The following AHDC1 variants were observed in gnomAD, a reference collection of about 807,000 sequenced individuals.
AHDC1 encodes AT-hook DNA binding motif containing 1.
In AHDC1, 7 loss-of-function variants were observed where a neutral mutation model predicts 87.9. The observed-to-expected ratio is 0.08, with a 90% CI of 0.05 to 0.15. The LOEUF (loss-of-function observed/expected upper bound fraction) is 0.15, where lower values mean the gene tolerates loss of function less well. Among genes scored for constraint, AHDC1 ranks in the 10% least tolerant of loss-of-function variants. AHDC1 has a pLI of 1.00. For missense variants in AHDC1, 1,841 were observed against 2,253.2 expected (o/e 0.82, Z 3.70); for synonymous variants, 1,051 against 1,006.8 (o/e 1.04, Z -0.83).
rs780072836 is a variant in AHDC1 at position 27,551,348 on chromosome 1, G to A, written c.768C>T (p.Ala256=). 10 of 1,613,546 alleles carry A rather than the reference G, an allele frequency of 6.2e-6. No homozygotes were observed. The South Asian group carries it at 9.9e-5, about 16-fold the overall frequency. ...SELASLTCPE[A]QLLEAQALEP... Reference sequence around the variant, plus strand: ...CGAGGGCCTGGGCCTCTAGCAGCTGGGCCTCTGGGCAAGTGAGGGAGGCCA... The same window carrying A: ...CGAGGGCCTGGGCCTCTAGCAGCTGAGCCTCTGGGCAAGTGAGGGAGGCCA... Residue 256 remains alanine, a synonymous_variant, in exon 8 of 9, where the codon GCC becomes GCT. Transcript: ENST00000673934.
chr1:27,563,099 C>T lies in AHDC1; in HGVS notation c.-628-4216G>A, dbSNP rs1440236321. On this transcript the variant is annotated intron_variant, in intron 3 of 8. Coordinates refer to ENST00000673934, the MANE Select transcript of AHDC1 (RefSeq NM_001371928.1). The surrounding 1 kb of genome is among the most constrained non-coding windows in gnomAD (Gnocchi z 6.1). The stretch of plus-strand genomic sequence containing the variant: ...CCACTAATGCACAGAGAACCTGTTA[C>T]ACAGCTGACCAAGACACACACACAC... Among the ~76,000 whole-genome samples the T allele has an allele frequency of 6.6e-6, 1 of 152,142 alleles. No individual in the cohort carries two copies. Among genetic ancestry groups the T allele is most frequent in the African/African-American group, 2.4e-5 (1 of 41,394 alleles).
rs558951282 is a variant in AHDC1 at position 27,587,394 on chromosome 1, C to G, written c.-629+16003G>C. Among the ~76,000 whole-genome samples the G allele has an allele frequency of 2.0e-5, 3 of 152,200 alleles. No individual in the cohort carries two copies. In the South Asian group the frequency reaches 6.2e-4, roughly 31 times the overall value. On this transcript the variant is annotated intron_variant, in intron 3 of 8. Coordinates refer to ENST00000673934, the MANE Select transcript of AHDC1 (RefSeq NM_001371928.1). The stretch of plus-strand genomic sequence containing the variant: ...TTCCACAACTTTCCCTTCTGTCCTA[C>G]GCAGCAACTGGTTAGACCTCAACCA...
Position 27,590,211 on chromosome 1 carries a change from C to T in AHDC1, c.-629+13186G>A, listed in dbSNP as rs962323428. On this transcript the variant is annotated intron_variant, in intron 3 of 8. Coordinates refer to ENST00000673934, the MANE Select transcript of AHDC1 (RefSeq NM_001371928.1). The surrounding 1 kb of genome is among the most constrained non-coding windows in gnomAD (Gnocchi z 5.4). ...GTGAGCAGGCTGCGGGGTTTGGCAG[C>T]GCGCCTGCTGGAGACCCGCCCTCAC... 3.3e-5 allele frequency among the ~76,000 whole-genome samples: 5 copies of T among 152,164 alleles called. No homozygotes were observed. The highest frequency in any genetic ancestry group is 2.9e-5 in the Non-Finnish European group (2 of 68,010).
intron 3 of AHDC1, among the ~76,000 whole-genome samples, chr1:27,594,505 A>G (rs1364002565): frequency 6.6e-6 from 1 of 152,212 alleles, no homozygotes; most frequent in Non-Finnish European, 1.5e-5. Flanking sequence ...CCCACCCCAA[A>G]GAGGCCCCAA....
chr1:27,578,784 C>A (rs879888747), intron 3 of AHDC1, among the ~76,000 whole-genome samples: 1 of 151,540 alleles, frequency 6.6e-6, no homozygotes, highest in Non-Finnish European at 1.5e-5. Context: ...GCAACCTCCA[C>A]CTCCCAGGTT....
chr1:27,552,979 TGGCCACAGCTCAACCCCTGCCCACC>T (rs1468971773), intron 6 of AHDC1, 50 bp from the exon 7 acceptor site: 2 of 152,920 alleles, frequency 1.3e-5, no homozygotes, highest in Admixed American at 1.3e-4. Context: ...AATGGTCTGG[TGGCCACAGCTCAACCCCTGCCCACC>T]GGCCCAGCCT....
At chr1:27,581,583 G>T (rs2088910310) in intron 3 of AHDC1, among the ~76,000 whole-genome samples, 2 of 152,108 alleles carry the variant, frequency 1.3e-5, no homozygotes, top group African/African-American at 4.8e-5. Context: ...AGTCCAAGTG[G>T]TCTCTCTGAT....
intron 8 of AHDC1, among the ~76,000 whole-genome samples, chr1:27,546,423 C>T (rs570507064): frequency 1.2e-4 from 18 of 152,304 alleles, no homozygotes; most frequent in African/African-American, 3.8e-4. Flanking sequence ...AGTATCAAAA[C>T]ATTTAACACT....
Position 27,547,651 on chromosome 1 carries a change from C to A in AHDC1, c.4465G>T (p.Ala1489Ser), listed in dbSNP as rs754227722. 3.1e-6 allele frequency: 5 copies of A among 1,598,708 alleles called. No homozygotes were observed. The highest frequency in any genetic ancestry group is 2.3e-5 in the East Asian group (1 of 44,092). ...YEGKVGTGLLADFLGRTEAAC... is the reference protein window; with the variant it reads ...YEGKVGTGLLSDFLGRTEAAC... ...GCCTCCGTCCTGCCCAGGAAGTCAG[C>A]CAGCAGCCCTGTACCCACCTTGCCT... Residue 1489 changes from alanine to serine, a missense_variant, in exon 8 of 9, where the codon GCT becomes TCT. Around this residue, in one of 13 missense-constraint regions of AHDC1, gnomAD observed 505 missense variants for 626.2 expected, o/e 0.81. Transcript: ENST00000673934. This position sits in a 1 kb window ranked among gnomAD's most constrained non-coding sequence, Gnocchi z 4.9.
At chr1:27,578,248 G>A (rs1352629368) in intron 3 of AHDC1, among the ~76,000 whole-genome samples, 1 of 152,040 alleles carries the variant, frequency 6.6e-6, no homozygotes, top group Admixed American at 6.5e-5. Flanking sequence ...ATTTTTATAA[G>A]GCTTATACAT....
At chr1:27,572,270 G>A (rs1023169647) in intron 3 of AHDC1, among the ~76,000 whole-genome samples, 10 of 152,112 alleles carry the variant, frequency 6.6e-5, no homozygotes, top group Non-Finnish European at 1.2e-4. Flanking sequence ...TGAGAGTGAG[G>A]GGGCTTGAGG....
chr1:27,536,723 G>A (rs927767311), intron 8 of AHDC1, among the ~76,000 whole-genome samples: 28 of 152,198 alleles, frequency 1.8e-4, no homozygotes, highest in Middle Eastern at 3.4e-3. Context: ...GGGTGTTGGG[G>A]GTGACAAGGG....
rs1052060518 is a variant in AHDC1 at position 27,562,151 on chromosome 1, G to A, written c.-628-3268C>T. Among the ~76,000 whole-genome samples the A allele has an allele frequency of 1.3e-5, 2 of 152,116 alleles. No homozygotes were observed. The highest frequency in any genetic ancestry group is 1.3e-4 in the Admixed American group (2 of 15,278). On this transcript the variant is annotated intron_variant, in intron 3 of 8. Transcript: ENST00000673934. This position sits in a 1 kb window ranked among gnomAD's most constrained non-coding sequence, Gnocchi z 4.4. ...AGAAGGGCCGAGGGGAGGCCTGTGTGGGCAGTAGACAGGCCAGAGCTGGGA... is the reference window on the plus strand; with the variant it reads ...AGAAGGGCCGAGGGGAGGCCTGTGTAGGCAGTAGACAGGCCAGAGCTGGGA...
At chr1:27,582,136 C>T (rs1025557588) in intron 3 of AHDC1, among the ~76,000 whole-genome samples, 1 of 152,230 alleles carries the variant, frequency 6.6e-6, no homozygotes, top group African/African-American at 2.4e-5. Context: ...GGACATTGAC[C>T]CACCTCGGCA....
rs2020160541 is a variant in AHDC1 at position 27,562,959 on chromosome 1, T to C, written c.-628-4076A>G. On this transcript the variant is annotated intron_variant, in intron 3 of 8. Coordinates refer to ENST00000673934, the MANE Select transcript of AHDC1 (RefSeq NM_001371928.1). This position sits in a 1 kb window ranked among gnomAD's most constrained non-coding sequence, Gnocchi z 4.4. ...AACGGGATGAACTAAGCACATAACC[T>C]GTCGCTTCCTCCAAACATGAGATGG... 2.0e-5 allele frequency among the ~76,000 whole-genome samples: 3 copies of C among 152,076 alleles called. No individual in the cohort carries two copies.
intron 3 of AHDC1, among the ~76,000 whole-genome samples, chr1:27,581,193 G>C (rs1200398960): frequency 6.6e-6 from 1 of 151,928 alleles, no homozygotes; most frequent in Non-Finnish European, 1.5e-5. Context: ...GTAGTGGCGT[G>C]ATCATAGCTC....
Position 27,549,090 on chromosome 1 carries a change from G to A in AHDC1, c.3026C>T (p.Pro1009Leu). 1 of 1,556,138 alleles carries A rather than the reference G, an allele frequency of 6.4e-7. No homozygotes were observed. Among genetic ancestry groups the A allele is most frequent in the Non-Finnish European group, 8.7e-7 (1 of 1,150,318 alleles). ...GCTGTGGGCGCTGCTGGGTGAGGCA[G>A]GGAGGCTGTTGCCACTGCCATAGGC... ...SFAYGSGNSL[P>L]ASPSSAHSAG... Residue 1009 changes from proline (P) to leucine (L), a missense_variant, in exon 8 of 9, where the codon CCT (proline) becomes CTT (leucine). By Grantham distance (98) the Pro-to-Leu change is moderately conservative. Coordinates refer to ENST00000673934, the MANE Select transcript of AHDC1 (RefSeq NM_001371928.1).
chr1:27,549,679 G>A lies in AHDC1; in HGVS notation c.2437C>T (p.Arg813Cys), dbSNP rs753828804. 1.7e-5 allele frequency: 28 copies of A among 1,612,974 alleles called. No individual in the cohort carries two copies. The highest frequency in any genetic ancestry group is 2.2e-5 in the East Asian group (1 of 44,892). The part of the protein sequence containing the change: ...STGLESGASG[R>C]GSYYSTGAPS... Reference sequence around the variant, plus strand: ...GCACCCGTGCTGTAGTAGCTGCCACGGCCTGAGGCTCCACTCTCCAGCCCA... The same window carrying A: ...GCACCCGTGCTGTAGTAGCTGCCACAGCCTGAGGCTCCACTCTCCAGCCCA... Residue 813 changes from arginine (R) to cysteine (C), a missense_variant, in exon 8 of 9, where the codon CGT becomes TGT. Arg to Cys is a radical substitution (Grantham distance 180). Around this residue, in one of 13 missense-constraint regions of AHDC1, gnomAD observed 236 missense variants for 257.9 expected, o/e 0.92. Transcript: ENST00000673934.
At chr1:27,575,901 G>T (rs1233895292) in intron 3 of AHDC1, among the ~76,000 whole-genome samples, 1 of 151,116 alleles carries the variant, frequency 6.6e-6, no homozygotes, top group Admixed American at 6.6e-5. Context: ...GGGAGGGGGG[G>T]CGGGGTCACG....
Sources: gnomAD v4.1 joint callset for allele counts (sites outside exome capture counted in the v4.1 genomes callset) on GRCh38, gnomAD v4.1.1 for gene constraint, gnomAD v4.1.1 regional missense constraint, Gnocchi (gnomAD v3.1) non-coding constraint, MANE v1.5 for transcripts, NCBI Gene and HGNC (gene_info 2026-07-23, HGNC 2026-07-21) for gene names.